The following GNB1L variants were observed in gnomAD, a reference collection of about 807,000 sequenced individuals.
GNB1L encodes G protein subunit beta 1 like.
In GNB1L, 20 loss-of-function variants were observed where a neutral mutation model predicts 29.1. That is an observed-to-expected ratio of 0.69 (90% CI 0.48 to 1.00). The LOEUF is 1.00. GNB1L is among the 50% of genes least tolerant of loss of function. GNB1L has a pLI of 0.00. For missense variants in GNB1L, 421 were observed against 464.9 expected (o/e 0.91, Z 0.87); for synonymous variants, 193 against 206.5 (o/e 0.93, Z 0.56).
In GNB1L at chr22:19,788,777, C is replaced by G. The variant is rs763732372; in HGVS notation, c.916G>C (p.Asp306His). The change falls in exon 8 of 8, where the codon GAT (aspartate) becomes CAT (histidine). Residue 306 changes from aspartate to histidine, a missense_variant. Transcript: ENST00000329517. Reference sequence around the variant, plus strand: ...TTGGAGCCCGCGGCCAGCAAGCCATCGGCGGTGAAGGCCACGCACTGGACA... The same window carrying G: ...TTGGAGCCCGCGGCCAGCAAGCCATGGGCGGTGAAGGCCACGCACTGGACA... Reference protein sequence around the residue: ...AAVQCVAFTADGLLAAGSKDQ... With the variant: ...AAVQCVAFTAHGLLAAGSKDQ... 5.6e-6 allele frequency: 9 copies of G among 1,612,164 alleles called. No individual in the cohort carries two copies. Among genetic ancestry groups the G allele is most frequent in the Non-Finnish European group, 7.6e-6 (9 of 1,179,464 alleles).
Position 19,786,772 on chromosome 22 carries a change from G to T in GNB1L, c.*1937C>A. On this transcript the variant is annotated 3_prime_UTR_variant, in exon 8 of 8. Transcript: ENST00000329517. ...TGTGACAGCCTGTGATGAGCACCCA[G>T]GGCACAGCTCCCTCAGCACCTGCAG... The T allele has an allele frequency of 6.6e-6, 1 of 152,448 alleles. No individual in the cohort carries two copies. Among genetic ancestry groups the T allele is most frequent in the Non-Finnish European group, 1.5e-5 (1 of 68,114 alleles). 9.4% of individuals were successfully genotyped at this position (152,448 alleles called of 1,614,324 possible). A position where few individuals can be genotyped will look rare whatever the true frequency, so the allele number is the denominator to read the frequency against.
At chr22:19,832,198 C>T (rs9306228) in intron 2 of GNB1L, among the ~76,000 whole-genome samples, 31,429 of 151,906 alleles carry the variant, frequency 0.21, 3,359 homozygotes, top group East Asian at 0.33. Flanking sequence ...GGGCTGATAG[C>T]GTGTGCTTGC....
chr22:19,827,566 C>T (rs190438650), intron 2 of GNB1L, among the ~76,000 whole-genome samples: 2 of 152,236 alleles, frequency 1.3e-5, no homozygotes, highest in African/African-American at 2.4e-5. Context: ...TCACAAGCAA[C>T]GTAAATGTCC....
chr22:19,852,180 G>C (rs200966767), intron 2 of GNB1L: 47 of 1,613,872 alleles, frequency 2.9e-5, no homozygotes, highest in Non-Finnish European at 5.9e-6. Context: ...TCCATCTGCT[G>C]CCATGGATGT....
chr22:19,787,017 G>T lies in GNB1L; in HGVS notation c.*1692C>A, dbSNP rs917607847. 6.6e-6 allele frequency: 1 copy of T among 152,306 alleles called. No individual in the cohort carries two copies. Among genetic ancestry groups the T allele is most frequent in the African/African-American group, 2.4e-5 (1 of 41,454 alleles). The allele number at this position is 152,306 out of a possible 1,614,324, so 9.4% of individuals were successfully genotyped here. A position where few individuals can be genotyped will look rare whatever the true frequency, so the allele number is the denominator to read the frequency against. Reference sequence around the variant, plus strand: ...GGTCTCCAAGCTTGGGCCAGGGGCCGCTTTCCCGGCCAGCACTGACATTCC... The same window carrying T: ...GGTCTCCAAGCTTGGGCCAGGGGCCTCTTTCCCGGCCAGCACTGACATTCC... On this transcript the variant is annotated 3_prime_UTR_variant, in exon 8 of 8. Transcript: ENST00000329517.
chr22:19,853,573 A>G (rs985968118), intron 2 of GNB1L, among the ~76,000 whole-genome samples: 3 of 152,138 alleles, frequency 2.0e-5, no homozygotes, highest in African/African-American at 7.2e-5. Flanking sequence ...TTCATCCCAC[A>G]TCTCCTATCT....
intron 4 of GNB1L, among the ~76,000 whole-genome samples, chr22:19,819,232 A>G (rs1370673173): frequency 1.3e-5 from 2 of 151,850 alleles, no homozygotes; most frequent in Non-Finnish European, 2.9e-5. Flanking sequence ...TTCCTCCGCC[A>G]CCTCCTGCTT....
rs1290062173 is a variant in GNB1L at position 19,816,505 on chromosome 22, G to A, written c.255-4058C>T. On this transcript the variant is annotated intron_variant, in intron 4 of 7. Transcript: ENST00000329517. The surrounding 1 kb of genome is among the most constrained non-coding windows in gnomAD (Gnocchi z 4.4). Reference sequence around the variant, plus strand: ...GGACACACAGGCATTTAGAAGCCAGGACCTGGGTGTCCACCTGCTCACTGC... The same window carrying A: ...GGACACACAGGCATTTAGAAGCCAGAACCTGGGTGTCCACCTGCTCACTGC... 6.6e-6 allele frequency among the ~76,000 whole-genome samples: 1 copy of A among 152,124 alleles called. No individual in the cohort carries two copies. Among genetic ancestry groups the A allele is most frequent in the East Asian group, 1.9e-4 (1 of 5,190 alleles).
In GNB1L at chr22:19,820,710, G is replaced by A; in HGVS notation, c.142C>T (p.Leu48=). 1 of 1,612,480 alleles carries A rather than the reference G, an allele frequency of 6.2e-7. No individual in the cohort carries two copies. Among genetic ancestry groups the A allele is most frequent in the Non-Finnish European group, 8.5e-7 (1 of 1,178,892 alleles). ...GTCTGCAGGCTCCAGATGTGTACCA[G>A]GCCACTCTGAGACCTGTTTCAGACA... ...PLLFSGSQSG[L]VHIWSLQTRR... is the part of the protein sequence containing the mutation. The change falls in exon 4 of 8, where the codon CTG becomes TTG. Residue 48 remains leucine, a synonymous_variant. Transcript: ENST00000329517.
At chr22:19,804,352 G>A (rs911355957) in intron 6 of GNB1L, among the ~76,000 whole-genome samples, 2 of 152,224 alleles carry the variant, frequency 1.3e-5, no homozygotes, top group Non-Finnish European at 2.9e-5. Flanking sequence ...AGCAGGTCAG[G>A]GGCTGTGGGA....
intron 2 of GNB1L, among the ~76,000 whole-genome samples, chr22:19,823,700 A>G (rs1461372482): frequency 6.6e-6 from 1 of 152,176 alleles, no homozygotes; most frequent in East Asian, 1.9e-4. Context: ...GACACACGCT[A>G]TGCTCACACA....
chr22:19,799,820 C>A (rs979120007), intron 7 of GNB1L, among the ~76,000 whole-genome samples: 1 of 152,230 alleles, frequency 6.6e-6, no homozygotes, highest in Non-Finnish European at 1.5e-5. Flanking sequence ...AGCGCCCCCA[C>A]AGGCTTTCCC....
At chr22:19,826,489 C>T (rs758045296) in intron 2 of GNB1L, among the ~76,000 whole-genome samples, 61 of 152,156 alleles carry the variant, frequency 4.0e-4, no homozygotes, top group Non-Finnish European at 8.4e-4. Flanking sequence ...CAGAGCAGAG[C>T]ACTCGGGTAT....
intron 2 of GNB1L, among the ~76,000 whole-genome samples, chr22:19,845,706 G>A (rs16984263): frequency 0.015 from 2,284 of 152,276 alleles, 50 homozygotes; most frequent in African/African-American, 0.051. Context: ...AAAAACTAAG[G>A]GAGCAACGGG....
intron 6 of GNB1L, among the ~76,000 whole-genome samples, chr22:19,805,993 C>T (rs1569042051): frequency 6.6e-6 from 1 of 152,108 alleles, no homozygotes; most frequent in East Asian, 1.9e-4. Flanking sequence ...CCAGTGCTGG[C>T]CTGAAGGGTG....
chr22:19,794,913 G>A (rs1421232754), intron 7 of GNB1L, among the ~76,000 whole-genome samples: 9 of 152,238 alleles, frequency 5.9e-5, no homozygotes, highest in South Asian at 2.1e-4. Flanking sequence ...CCTGGGAGGC[G>A]GAGGTTGCAG....
intron 2 of GNB1L, among the ~76,000 whole-genome samples, chr22:19,843,055 T>C (rs1160564366): frequency 6.6e-6 from 1 of 152,248 alleles, no homozygotes; most frequent in Non-Finnish European, 1.5e-5. Flanking sequence ...TGTCAGGCCC[T>C]GTTCCCCTTT....
rs190382367 is a variant in GNB1L, at chr22:19,833,932, G to A, written c.-20-12557C>T. 1.6e-3 allele frequency among the ~76,000 whole-genome samples: 237 copies of A among 150,950 alleles called. 2 individuals are homozygous for A. The highest frequency in any genetic ancestry group is 5.5e-3 in the African/African-American group (227 of 41,380). On this transcript the variant is annotated intron_variant, in intron 2 of 7. Coordinates refer to ENST00000329517, the MANE Select transcript of GNB1L (RefSeq NM_053004.3). ...AAATATAAAATAAAAGATTGAGTAA[G>A]TGAAATTATTCAATATAAGATCAGA...
intron 6 of GNB1L, among the ~76,000 whole-genome samples, chr22:19,802,862 G>A (rs1322084271): frequency 6.6e-6 from 1 of 152,252 alleles, no homozygotes; most frequent in African/African-American, 2.4e-5. Context: ...CAAGCCCTGG[G>A]CAGACACCTC....
Sources: gnomAD v4.1 joint callset for allele counts (sites outside exome capture counted in the v4.1 genomes callset) on GRCh38, gnomAD v4.1.1 for gene constraint, Gnocchi (gnomAD v3.1) non-coding constraint, MANE v1.5 for transcripts, NCBI Gene and HGNC (gene_info 2026-07-23, HGNC 2026-07-21) for gene names.